CNTN5: variants seen among roughly 807,000 people sequenced by gnomAD.
The protein encoded by CNTN5 is contactin 5, also known as contactin-5.
Under a neutral mutation model 129.1 loss-of-function variants are expected in CNTN5, and 77 were observed. The observed-to-expected ratio is 0.60, with a 90% CI of 0.50 to 0.72. The LOEUF is 0.72. Ranked by LOEUF, CNTN5 falls within the 30% of genes least tolerant of loss-of-function variation. The pLI, the probability that CNTN5 is intolerant of heterozygous loss-of-function variation, is 0.00. For synonymous variants in CNTN5, 509 were observed against 465.6 expected (o/e 1.09, Z -1.20); for missense variants, 1,478 against 1,328.8 (o/e 1.11, Z -1.75).
At chr11:100,262,431 T>C (rs1194908984) in intron 17 of CNTN5, among the ~76,000 whole-genome samples, 1 of 152,186 alleles carries the variant, frequency 6.6e-6, no homozygotes, top group East Asian at 1.9e-4. Context: ...CCAGCAATCC[T>C]ATTACTGGGT....
Position 99,845,255 on chromosome 11 carries a change from G to C in CNTN5, c.570G>C (p.Gln190His). Residue 190 changes from glutamine (Q) to histidine (H), a missense_variant, in exon 6 of 25, where the codon CAG becomes CAC. Physicochemically the swap from Gln to His is conservative, Grantham distance 24. Coordinates refer to ENST00000524871, the MANE Select transcript of CNTN5 (RefSeq NM_014361.4). ...GSILSREATL[Q>H]FAYLGNFSGR... is the part of the protein sequence containing the mutation. Reference sequence around the variant, plus strand: ...TTCTTAGTAGAGAAGCTACACTGCAGTTTGCCTGTGAGTAAAATATATGAT... The same window carrying C: ...TTCTTAGTAGAGAAGCTACACTGCACTTTGCCTGTGAGTAAAATATATGAT... 1 of 1,601,492 alleles carries C rather than the reference G, an allele frequency of 6.2e-7. No individual in the cohort carries two copies. Among genetic ancestry groups the C allele is most frequent in the South Asian group, 1.1e-5 (1 of 89,924 alleles).
At chr11:99,598,833 C>T (rs1950226138) in intron 3 of CNTN5, among the ~76,000 whole-genome samples, 1 of 151,868 alleles carries the variant, frequency 6.6e-6, no homozygotes, top group Non-Finnish European at 1.5e-5. Flanking sequence ...TTTTAATATG[C>T]AGGAAAAACA....
At chr11:99,953,590 A>G (rs1950726424) in intron 7 of CNTN5, among the ~76,000 whole-genome samples, 2 of 152,192 alleles carry the variant, frequency 1.3e-5, no homozygotes, top group South Asian at 4.1e-4. Flanking sequence ...TACATTTTTT[A>G]TATGTTACAG....
At chr11:99,850,243 A>G (rs1026568156) in intron 6 of CNTN5, among the ~76,000 whole-genome samples, 3 of 152,092 alleles carry the variant, frequency 2.0e-5, no homozygotes, top group Non-Finnish European at 4.4e-5. Flanking sequence ...CCTTTTCCTC[A>G]TAATTTATTT....
At chr11:99,313,067 A>G (rs190924525) in intron 1 of CNTN5, among the ~76,000 whole-genome samples, 3 of 152,036 alleles carry the variant, frequency 2.0e-5, no homozygotes, top group African/African-American at 7.2e-5. Context: ...TAGACAGATT[A>G]GCCTTCCTCT....
At chr11:99,635,668 G>A (rs1437785647) in intron 3 of CNTN5, among the ~76,000 whole-genome samples, 1 of 152,040 alleles carries the variant, frequency 6.6e-6, no homozygotes, top group Non-Finnish European at 1.5e-5. Context: ...GTGTATAGGT[G>A]TGAAAACAAA....
chr11:99,043,439 A>T (rs543896104), intron 1 of CNTN5, among the ~76,000 whole-genome samples: 1 of 152,254 alleles, frequency 6.6e-6, no homozygotes, highest in South Asian at 2.1e-4. Context: ...TATAATAAAA[A>T]AAAAGAATAA....
intron 3 of CNTN5, among the ~76,000 whole-genome samples, chr11:99,654,042 A>G (rs372573660): frequency 1.3e-3 from 195 of 152,202 alleles, no homozygotes; most frequent in African/African-American, 4.5e-3. Context: ...CCGTTAATGA[A>G]TATTTTTACC....
chr11:99,231,441 C>T (rs1006474611), intron 1 of CNTN5, among the ~76,000 whole-genome samples: 5 of 152,014 alleles, frequency 3.3e-5, no homozygotes, highest in Admixed American at 1.3e-4. Context: ...CCTCTATAAA[C>T]GTCTATTTTT....
At chr11:99,341,354 T>C (rs1478279305) in intron 2 of CNTN5, among the ~76,000 whole-genome samples, 1 of 152,300 alleles carries the variant, frequency 6.6e-6, no homozygotes, top group South Asian at 2.1e-4. Context: ...ATACAAATAG[T>C]TTACATATAT....
intron 1 of CNTN5, among the ~76,000 whole-genome samples, chr11:99,296,506 G>C (rs990884826): frequency 6.6e-6 from 1 of 152,144 alleles, no homozygotes; most frequent in Non-Finnish European, 1.5e-5. Flanking sequence ...TGGAAAAGCT[G>C]TTATACAACC....
At chr11:99,319,591 G>A (rs1865477998) in intron 1 of CNTN5, among the ~76,000 whole-genome samples, 2 of 151,958 alleles carry the variant, frequency 1.3e-5, no homozygotes, top group African/African-American at 2.4e-5. Flanking sequence ...TCCAGTAACT[G>A]GTGTTGTGTA....
At chr11:100,023,519 C>A (rs949862938) in intron 9 of CNTN5, among the ~76,000 whole-genome samples, 1 of 152,184 alleles carries the variant, frequency 6.6e-6, no homozygotes, top group Non-Finnish European at 1.5e-5. Flanking sequence ...TTATCACACA[C>A]AGACCATAAT....
chr11:99,476,206 A>C (rs1055541294), intron 2 of CNTN5, among the ~76,000 whole-genome samples: 14 of 152,056 alleles, frequency 9.2e-5, no homozygotes, highest in African/African-American at 3.4e-4. Context: ...CATTAAAATT[A>C]TCACAAGATA....
At chr11:100,100,676 TATAAAA>T (rs1294199580) in intron 13 of CNTN5, among the ~76,000 whole-genome samples, 4 of 152,076 alleles carry the variant, frequency 2.6e-5, no homozygotes, top group African/African-American at 7.2e-5. Context: ...AGGAAAATGT[TATAAAA>T]AGAAAAAGTA....
intron 1 of CNTN5, among the ~76,000 whole-genome samples, chr11:99,310,955 G>A (rs1042445955): frequency 2.0e-5 from 3 of 151,186 alleles, no homozygotes; most frequent in East Asian, 1.9e-4. Flanking sequence ...TTTTTGAGAC[G>A]GAGTCTCGCT....
intron 3 of CNTN5, among the ~76,000 whole-genome samples, chr11:99,779,036 AT>A (rs1453081130): frequency 1.3e-5 from 2 of 151,948 alleles, no homozygotes; most frequent in Non-Finnish European, 2.9e-5. Context: ...TCATCAGAAA[AT>A]TTTTAAAAAG....
At chr11:99,747,304 G>A (rs1944084779) in intron 3 of CNTN5, among the ~76,000 whole-genome samples, 1 of 152,062 alleles carries the variant, frequency 6.6e-6, no homozygotes, top group Admixed American at 6.6e-5. Flanking sequence ...AGTTATAACA[G>A]TTTTTGGTGG....
intron 1 of CNTN5, among the ~76,000 whole-genome samples, chr11:99,103,519 T>A (rs1866842272): frequency 6.6e-6 from 1 of 152,148 alleles, no homozygotes; most frequent in South Asian, 2.1e-4. Flanking sequence ...TTTATTTCAA[T>A]TTAGAATGAG....
Sources: gnomAD v4.1 joint callset for allele counts (sites outside exome capture counted in the v4.1 genomes callset) on GRCh38, gnomAD v4.1.1 for gene constraint, MANE v1.5 for transcripts, NCBI Gene and HGNC (gene_info 2026-07-23, HGNC 2026-07-21) for gene names.